Variants in HS3ST4 observed in about 807,000 individuals in gnomAD.
The protein encoded by HS3ST4 is heparan sulfate glucosamine 3-O-sulfotransferase 4.
Under a neutral mutation model 29.2 loss-of-function variants are expected in HS3ST4, and 17 were observed. The observed-to-expected ratio is 0.58, with a 90% CI of 0.40 to 0.87. HS3ST4 has a LOEUF of 0.87. Ranked by LOEUF, HS3ST4 falls within the 40% of genes least tolerant of loss-of-function variation. HS3ST4 has a pLI of 0.00. For missense variants in HS3ST4, 627 were observed against 634.5 expected, an observed-to-expected ratio of 0.99 and a Z score of 0.13; for synonymous variants, 314 against 285.7, an observed-to-expected ratio of 1.10 and a Z score of -1.00.
chr16:25,776,652 A>G (rs1966847753), intron 1 of HS3ST4, among the ~76,000 whole-genome samples: 1 of 152,216 alleles, frequency 6.6e-6, no homozygotes, highest in South Asian at 2.1e-4. Flanking sequence ...TTCAAGGATG[A>G]TCATGCCTAC....
At chr16:25,936,166 GA>G (rs1172916008) in intron 1 of HS3ST4, among the ~76,000 whole-genome samples, 1 of 152,168 alleles carries the variant, frequency 6.6e-6, no homozygotes, top group African/African-American at 2.4e-5. Flanking sequence ...AGGTGATAAT[GA>G]TACCATTATG....
chr16:25,874,785 C>T (rs527857272), intron 1 of HS3ST4, among the ~76,000 whole-genome samples: 1 of 152,254 alleles, frequency 6.6e-6, no homozygotes, highest in African/African-American at 2.4e-5. Context: ...TGGAAAGTAG[C>T]ATAAGTACAG....
intron 1 of HS3ST4, among the ~76,000 whole-genome samples, chr16:25,854,528 A>G (rs552312139): frequency 3.9e-5 from 6 of 152,168 alleles, no homozygotes; most frequent in East Asian, 3.9e-4. Flanking sequence ...CCGACCTCCT[A>G]TCTCATCCTG....
At chr16:25,902,785 A>C (rs1968131684) in intron 1 of HS3ST4, among the ~76,000 whole-genome samples, 1 of 150,934 alleles carries the variant, frequency 6.6e-6, no homozygotes, top group African/African-American at 2.5e-5. Context: ...AAACAAAAAA[A>C]ACAGAACAAA....
chr16:25,927,925 G>A (rs908420932), intron 1 of HS3ST4, among the ~76,000 whole-genome samples: 8 of 151,266 alleles, frequency 5.3e-5, no homozygotes, highest in African/African-American at 1.9e-4. Flanking sequence ...TAGGCTGGGT[G>A]CAGTGGCTCA....
intron 1 of HS3ST4, among the ~76,000 whole-genome samples, chr16:26,133,840 A>G (rs58831210): frequency 0.021 from 3,270 of 152,342 alleles, 118 homozygotes; most frequent in African/African-American, 0.074. Context: ...GCATGTCATC[A>G]TAACAAAGAG....
chr16:26,016,922 A>G (rs1027722582), intron 1 of HS3ST4, among the ~76,000 whole-genome samples: 2 of 152,184 alleles, frequency 1.3e-5, no homozygotes, highest in African/African-American at 2.4e-5. Flanking sequence ...AAGAGGCTGC[A>G]GGCAAGAGAA....
intron 1 of HS3ST4, among the ~76,000 whole-genome samples, chr16:25,962,969 A>G (rs1176550538): frequency 2.0e-5 from 3 of 152,190 alleles, no homozygotes; most frequent in Non-Finnish European, 4.4e-5. Flanking sequence ...TACTGCCACT[A>G]CCTACTACCA....
rs140107053 is a variant in HS3ST4, at chr16:25,783,641, A to T, written c.734+90490A>T. On this transcript the variant is annotated intron_variant, in intron 1 of 1. Coordinates refer to ENST00000331351, the MANE Select transcript of HS3ST4 (RefSeq NM_006040.3). ...AGAATTTGTGCTTATTCAGCCGCTG[A>T]GGTTAATTTTTTTTACACTCAGAAA... is the stretch of plus-strand genomic sequence containing the variant. Among the ~76,000 whole-genome samples, 1,214 of 152,300 alleles carry T rather than the reference A, an allele frequency of 8.0e-3. 7 individuals carry two copies. Among genetic ancestry groups the T allele is most frequent in the Non-Finnish European group, 0.013 (898 of 68,014 alleles).
At chr16:25,789,454 C>CT (rs772444774) in intron 1 of HS3ST4, among the ~76,000 whole-genome samples, 8 of 30,920 alleles carry the variant, frequency 2.6e-4, no homozygotes, top group Non-Finnish European at 4.9e-4. Context: ...TTCCTTCCTT[C>CT]CTTCCTTCCT....
chr16:25,904,850 A>G (rs1453277340), intron 1 of HS3ST4, among the ~76,000 whole-genome samples: 3 of 152,204 alleles, frequency 2.0e-5, no homozygotes, highest in African/African-American at 7.2e-5. Flanking sequence ...ATATGAGTTA[A>G]TAAATGTGAA....
At chr16:26,055,977 A>C (rs1283927317) in intron 1 of HS3ST4, among the ~76,000 whole-genome samples, 1 of 151,750 alleles carries the variant, frequency 6.6e-6, no homozygotes, top group Non-Finnish European at 1.5e-5. Context: ...TAAACACAAC[A>C]CCATACCTGA....
At chr16:25,769,033 G>T (rs11861718) in intron 1 of HS3ST4, among the ~76,000 whole-genome samples, 11,512 of 152,188 alleles carry the variant, frequency 0.076, 1,006 homozygotes, top group African/African-American at 0.22. Context: ...TTGAGTTTGT[G>T]ATCCTGGGTT....
intron 1 of HS3ST4, among the ~76,000 whole-genome samples, chr16:25,935,016 A>G (rs112801605): frequency 0.013 from 1,966 of 152,168 alleles, 40 homozygotes; most frequent in African/African-American, 0.045. Flanking sequence ...TTCTCATGAT[A>G]GTGAATGAAT....
At chr16:26,116,815 C>T (rs1899207743) in intron 1 of HS3ST4, among the ~76,000 whole-genome samples, 1 of 152,098 alleles carries the variant, frequency 6.6e-6, no homozygotes, top group Non-Finnish European at 1.5e-5. Context: ...CTGTAATGCT[C>T]CAAAATCTGA....
intron 1 of HS3ST4, among the ~76,000 whole-genome samples, chr16:25,916,142 A>C (rs1173255211): frequency 6.6e-6 from 1 of 152,186 alleles, no homozygotes; most frequent in Non-Finnish European, 1.5e-5. Flanking sequence ...GATATTATTA[A>C]TATTTAGCAA....
intron 1 of HS3ST4, among the ~76,000 whole-genome samples, chr16:25,738,693 C>T (rs758376952): frequency 7.2e-5 from 11 of 152,168 alleles, no homozygotes; most frequent in Non-Finnish European, 1.5e-4. Flanking sequence ...CTGGCTTTCT[C>T]CCTGGTCACT....
At chr16:26,113,498 G>GTGTGTGTA (rs1362832726) in intron 1 of HS3ST4, among the ~76,000 whole-genome samples, 1 of 151,384 alleles carries the variant, frequency 6.6e-6, no homozygotes, top group African/African-American at 2.4e-5. Context: ...GTGTGTGTGT[G>GTGTGTGTA]TGTGTGTGTG....
chr16:26,125,028 G>A (rs1312892938), intron 1 of HS3ST4, among the ~76,000 whole-genome samples: 1 of 152,198 alleles, frequency 6.6e-6, no homozygotes, highest in East Asian at 1.9e-4. Context: ...TCCAAAAGTG[G>A]TTTATGATGC....
Sources: gnomAD v4.1 joint callset for allele counts (sites outside exome capture counted in the v4.1 genomes callset) on GRCh38, gnomAD v4.1.1 for gene constraint, MANE v1.5 for transcripts, NCBI Gene and HGNC (gene_info 2026-07-23, HGNC 2026-07-21) for gene names.